Variants in ITGA11 observed in about 807,000 individuals in gnomAD.
ITGA11 encodes integrin subunit alpha 11, also known as integrin alpha-11.
ITGA11 carries 97 observed loss-of-function variants against 141.9 expected under a neutral mutation model. That is an observed-to-expected ratio of 0.68 (90% CI 0.58 to 0.81). The LOEUF (loss-of-function observed/expected upper bound fraction) is 0.81, where lower values mean the gene tolerates loss of function less well. Ranked by LOEUF, ITGA11 falls within the 30% of genes least tolerant of loss-of-function variation. The probability of loss-of-function intolerance (pLI) is 0.00; values close to 1 mark genes in which losing one functional copy is unlikely to be tolerated. For missense variants in ITGA11, 1,387 were observed against 1,559.2 expected (o/e 0.89, Z 1.86); for synonymous variants, 658 against 624.6 (o/e 1.05, Z -0.80).
At chr15:68,378,082 T>C (rs980835265) in intron 2 of ITGA11, among the ~76,000 whole-genome samples, 1 of 152,234 alleles carries the variant, frequency 6.6e-6, no homozygotes, top group African/African-American at 2.4e-5. Context: ...GTGTGCAGGC[T>C]GGAGTGTCTA....
At chr15:68,329,204 T>C (rs1386943243) in intron 15 of ITGA11, among the ~76,000 whole-genome samples, 2 of 152,180 alleles carry the variant, frequency 1.3e-5, no homozygotes, top group Non-Finnish European at 1.5e-5. Flanking sequence ...AATGGGGGAT[T>C]GTGAGGATCA....
rs1359168520 is a variant in ITGA11 at position 68,333,186 on chromosome 15, A to G, written c.1426-708T>C. Reference sequence around the variant, plus strand: ...GCAATCTTGGCTCACTGTAGCCTCAAACTCCTGGGTTCAAGTGATCCTCCC... The same window carrying G: ...GCAATCTTGGCTCACTGTAGCCTCAGACTCCTGGGTTCAAGTGATCCTCCC... On this transcript the variant is annotated intron_variant, in intron 12 of 29. Coordinates refer to ENST00000315757, the MANE Select transcript of ITGA11 (RefSeq NM_001004439.2). The surrounding 1 kb of genome is among the most constrained non-coding windows in gnomAD (Gnocchi z 4.2). Among the ~76,000 whole-genome samples the G allele has an allele frequency of 6.6e-6, 1 of 151,808 alleles. No individual in the cohort carries two copies. The highest frequency in any genetic ancestry group is 1.5e-5 in the Non-Finnish European group (1 of 67,978).
intron 3 of ITGA11, 139 bp from the exon 4 acceptor site, chr15:68,364,937 G>A (rs923303590): frequency 5.4e-5 from 49 of 915,534 alleles, no homozygotes; most frequent in African/African-American, 3.8e-4. Flanking sequence ...GGTTTACAAA[G>A]GCCTTCCCCA....
Position 68,339,578 on chromosome 15 carries a change from C to T in ITGA11, c.1198G>A (p.Ala400Thr), listed in dbSNP as rs764119278. Residue 400 changes from alanine (A) to threonine (T), a missense_variant, in exon 11 of 30, where the codon GCC becomes ACC. Physicochemically the swap from Ala to Thr is moderately conservative, Grantham distance 58. Coordinates refer to ENST00000315757, the MANE Select transcript of ITGA11 (RefSeq NM_001004439.2). ...TCGCGGAGAGGAATGACCTTCCCGG[C>T]ACTCGTCTCCTTTAGCACAGCTCCA... ...WNGAVLKETSAGKVIPLRESY... is the reference protein window; with the variant it reads ...WNGAVLKETSTGKVIPLRESY... 1.9e-6 allele frequency: 3 copies of T among 1,614,028 alleles called. No homozygotes were observed. Among genetic ancestry groups the T allele is most frequent in the Admixed American group, 3.3e-5 (2 of 60,026 alleles).
chr15:68,298,452 T>C lies in ITGA11; in HGVS notation c.*4607A>G, dbSNP rs1226689078. ...GTGTGGGCAACAAAGTGAGACCCCCTCTCTGCACAAAATTAAAAAAAAAAT... is the reference window on the plus strand; with the variant it reads ...GTGTGGGCAACAAAGTGAGACCCCCCCTCTGCACAAAATTAAAAAAAAAAT... On this transcript the variant is annotated 3_prime_UTR_variant, in exon 30 of 30. Transcript: ENST00000315757. 6.6e-6 allele frequency: 1 copy of C among 151,898 alleles called. No individual in the cohort carries two copies. The highest frequency in any genetic ancestry group is 2.4e-5 in the African/African-American group (1 of 41,304). 9.4% of individuals were successfully genotyped at this position (151,898 alleles called of 1,614,324 possible). A position where few individuals can be genotyped will look rare whatever the true frequency, so the allele number is the denominator to read the frequency against.
At chr15:68,314,411 A>G (rs1229067853) in intron 22 of ITGA11, among the ~76,000 whole-genome samples, 1 of 152,176 alleles carries the variant, frequency 6.6e-6, no homozygotes, top group African/African-American at 2.4e-5. Context: ...GGTTCTGTCC[A>G]GTGTGCCTCC....
At chr15:68,354,047 C>T (rs761961620) in intron 7 of ITGA11, among the ~76,000 whole-genome samples, 1 of 152,124 alleles carries the variant, frequency 6.6e-6, no homozygotes, top group African/African-American at 2.4e-5. Context: ...GGTCATCCGT[C>T]AGGGAAGCCT....
In ITGA11 at chr15:68,332,428, G is replaced by A. The variant is rs200630645; in HGVS notation, c.1476C>T (p.Asp492=). Reference sequence around the variant, plus strand: ...CCACCAGCAGGACATCAGTCACGCCGTCGCCGTCGATGTCCACCGAGGTGA... The same window carrying A: ...CCACCAGCAGGACATCAGTCACGCCATCGCCGTCGATGTCCACCGAGGTGA... ...SEITSVDIDG[D]GVTDVLLVGA... Residue 492 remains aspartate (D), a synonymous_variant, in exon 13 of 30, where the codon GAC becomes GAT. Coordinates refer to ENST00000315757, the MANE Select transcript of ITGA11 (RefSeq NM_001004439.2). The A allele has an allele frequency of 4.4e-4, 712 of 1,611,466 alleles. 2 individuals are homozygous for A. Among genetic ancestry groups the A allele is most frequent in the South Asian group, 3.1e-3 (278 of 90,424 alleles).
intron 2 of ITGA11, among the ~76,000 whole-genome samples, chr15:68,401,232 A>T (rs1263422706): frequency 6.6e-6 from 1 of 151,968 alleles, no homozygotes. Flanking sequence ...ACATGTCACA[A>T]CCAGAAGGCT....
At position 68,328,257 on chromosome 15, in the gene ITGA11, C is replaced by A. The variant is rs369766881; in HGVS notation, c.1907G>T (p.Arg636Leu). ...GCTGGCATTGATCTGAACCACTGGGCGGGACCTGGAGGAGAAGGGCCAGTG... is the reference window on the plus strand; with the variant it reads ...GCTGGCATTGATCTGAACCACTGGGAGGGACCTGGAGGAGAAGGGCCAGTG... ...ALGNAVILWS[R>L]PVVQINASLH... Residue 636 changes from arginine (R) to leucine (L), a missense_variant, in exon 16 of 30, where the codon CGC (arginine) becomes CTC (leucine). Coordinates refer to ENST00000315757, the MANE Select transcript of ITGA11 (RefSeq NM_001004439.2). The surrounding 1 kb of genome is among the most constrained non-coding windows in gnomAD (Gnocchi z 4.8). 2.5e-6 allele frequency: 4 copies of A among 1,612,450 alleles called. No individual in the cohort carries two copies. The East Asian group carries it at 6.7e-5, about 27-fold the overall frequency.
chr15:68,424,063 T>G (rs1030603246), intron 1 of ITGA11, among the ~76,000 whole-genome samples: 1 of 152,260 alleles, frequency 6.6e-6, no homozygotes, highest in Non-Finnish European at 1.5e-5. Context: ...AATCAATTTA[T>G]CTATAGCTCC....
intron 11 of ITGA11, among the ~76,000 whole-genome samples, chr15:68,336,797 G>A (rs1321408308): frequency 6.6e-6 from 1 of 152,198 alleles, no homozygotes; most frequent in African/African-American, 2.4e-5. Context: ...ACATATATGC[G>A]TGTGCATCTG....
chr15:68,403,924 C>A (rs1400124133), intron 1 of ITGA11, among the ~76,000 whole-genome samples: 2 of 152,212 alleles, frequency 1.3e-5, no homozygotes, highest in Non-Finnish European at 1.5e-5. Flanking sequence ...CTAATACAGA[C>A]CCTGTACATG....
intron 2 of ITGA11, among the ~76,000 whole-genome samples, chr15:68,390,241 G>A (rs1896084013): frequency 6.6e-6 from 1 of 152,172 alleles, no homozygotes; most frequent in South Asian, 2.1e-4. Flanking sequence ...GAAATGTTAA[G>A]AAAATAAAGT....
At chr15:68,418,389 C>A (rs1299894418) in intron 1 of ITGA11, among the ~76,000 whole-genome samples, 2 of 152,160 alleles carry the variant, frequency 1.3e-5, no homozygotes, top group Non-Finnish European at 2.9e-5. Flanking sequence ...CTTCAGAAAT[C>A]CTGGTTCTAT....
chr15:68,390,666 A>T (rs1024550500), intron 2 of ITGA11, among the ~76,000 whole-genome samples: 13 of 152,218 alleles, frequency 8.5e-5, no homozygotes, highest in African/African-American at 3.1e-4. Flanking sequence ...GGAGCCTCTC[A>T]ATCAAGTCAG....
chr15:68,329,845 T>C (rs558161885), intron 15 of ITGA11, among the ~76,000 whole-genome samples: 2 of 152,338 alleles, frequency 1.3e-5, no homozygotes, highest in East Asian at 3.9e-4. Flanking sequence ...CTAGCTGGGC[T>C]GCACACGCAC....
chr15:68,304,084 T>C lies in ITGA11; in HGVS notation c.3382-199A>G, dbSNP rs1251832869. Among the ~76,000 whole-genome samples the C allele has an allele frequency of 1.3e-5, 2 of 152,132 alleles. No homozygotes were observed. Among genetic ancestry groups the C allele is most frequent in the African/African-American group, 4.8e-5 (2 of 41,398 alleles). Reference sequence around the variant, plus strand: ...ACTGCCTGAACAGCCGACACTGGGTTCAGTGGCCCAAGTGATCCTGCCTCC... The same window carrying C: ...ACTGCCTGAACAGCCGACACTGGGTCCAGTGGCCCAAGTGATCCTGCCTCC... On this transcript the variant is annotated intron_variant, in intron 28 of 29. Coordinates refer to ENST00000315757, the MANE Select transcript of ITGA11 (RefSeq NM_001004439.2). The surrounding 1 kb of genome is among the most constrained non-coding windows in gnomAD (Gnocchi z 6.1).
intron 2 of ITGA11, among the ~76,000 whole-genome samples, chr15:68,388,984 T>C (rs1896053296): frequency 6.6e-6 from 1 of 152,210 alleles, no homozygotes; most frequent in African/African-American, 2.4e-5. Flanking sequence ...CCACATGGGA[T>C]GGCGTCCTTT....
Sources: allele counts gnomAD v4.1 joint callset (sites outside exome capture counted in the v4.1 genomes callset), GRCh38; gene constraint gnomAD v4.1.1; non-coding constraint Gnocchi (gnomAD v3.1); transcripts MANE v1.5; gene names NCBI Gene and HGNC (gene_info 2026-07-23, HGNC 2026-07-21).